The following RAB38 variants were observed in gnomAD, a reference collection of about 807,000 sequenced individuals.
RAB38 encodes the protein ras-related protein Rab-38.
RAB38 carries 15 observed loss-of-function variants against 18.4 expected under a neutral mutation model. The observed-to-expected ratio is 0.82, with a 90% CI of 0.55 to 1.26. RAB38 has a LOEUF of 1.26. Ranked by LOEUF, RAB38 falls within the 50% of genes most tolerant of loss-of-function variation. RAB38 has a pLI of 0.00. For synonymous variants in RAB38, 101 were observed against 104.4 expected (o/e 0.97, Z 0.20); for missense variants, 294 against 267.4 (o/e 1.10, Z -0.69).
At chr11:88,111,508 GGA>G (rs958178750), downstream of RAB38, among the ~76,000 whole-genome samples, 4 of 152,082 alleles carry the variant, frequency 2.6e-5, no homozygotes, top group Admixed American at 2.6e-4. Context: ...CTCCAATTAT[GGA>G]AAACCTGAAG....
chr11:87,833,320 A>G, the RAB38 span, among the ~76,000 whole-genome samples: 1 of 151,998 alleles, frequency 6.6e-6, no homozygotes, highest in African/African-American at 2.4e-5. Flanking sequence ...ATAGAACGGT[A>G]TTTTCTCACT....
chr11:87,832,527 G>A, the RAB38 span, among the ~76,000 whole-genome samples: 1 of 152,086 alleles, frequency 6.6e-6, no homozygotes, highest in Non-Finnish European at 1.5e-5. Context: ...TTGTAGTTGT[G>A]GGACTGAAGC....
chr11:87,904,810 G>T, the RAB38 span, among the ~76,000 whole-genome samples: 5 of 151,644 alleles, frequency 3.3e-5, no homozygotes, highest in African/African-American at 9.7e-5. Context: ...CTGTAGTTTT[G>T]ATAAGGTTGT....
the RAB38 span, among the ~76,000 whole-genome samples, chr11:88,034,420 A>C: frequency 6.6e-6 from 1 of 152,238 alleles, no homozygotes; most frequent in South Asian, 2.1e-4. Context: ...TTTTATAAGA[A>C]ATTGCCTACT....
intron 2 of RAB38, among the ~76,000 whole-genome samples, chr11:88,142,711 A>G (rs1942931275): frequency 6.6e-6 from 1 of 152,248 alleles, no homozygotes; most frequent in African/African-American, 2.4e-5. Flanking sequence ...GTTGGGCAAA[A>G]TGAAATACAG....
At chr11:87,952,340 T>G in the RAB38 span, among the ~76,000 whole-genome samples, 1 of 152,216 alleles carries the variant, frequency 6.6e-6, no homozygotes, top group Non-Finnish European at 1.5e-5. Context: ...TTTTAGGACA[T>G]TCTCTCGAAG....
At chr11:88,024,611 T>A in the RAB38 span, among the ~76,000 whole-genome samples, 1 of 152,170 alleles carries the variant, frequency 6.6e-6, no homozygotes, top group African/African-American at 2.4e-5. Flanking sequence ...CTGTTCATAA[T>A]GGCCAAGATT....
At chr11:88,056,899 C>T in the RAB38 span, among the ~76,000 whole-genome samples, 1 of 152,082 alleles carries the variant, frequency 6.6e-6, no homozygotes, top group Non-Finnish European at 1.5e-5. Context: ...ATAGAAACTA[C>T]CAAATCACCA....
chr11:87,808,644 AAG>A, the RAB38 span, among the ~76,000 whole-genome samples: 1 of 152,044 alleles, frequency 6.6e-6, no homozygotes, highest in African/African-American at 2.4e-5. Context: ...CACGGTGTCT[AAG>A]AGAGTAGATT....
chr11:88,109,970 A>G (rs902220304), downstream of RAB38, among the ~76,000 whole-genome samples: 5 of 152,200 alleles, frequency 3.3e-5, no homozygotes, highest in African/African-American at 1.2e-4. Context: ...TGATTCTTCA[A>G]AGATCTAGAA....
the RAB38 span, among the ~76,000 whole-genome samples, chr11:88,103,425 A>G: frequency 4.6e-5 from 7 of 152,074 alleles, no homozygotes; most frequent in African/African-American, 1.7e-4. Context: ...GATTGGCTTT[A>G]AACCATGCCT....
chr11:88,070,450 G>A, the RAB38 span, among the ~76,000 whole-genome samples: 177 of 152,318 alleles, frequency 1.2e-3, no homozygotes, highest in Non-Finnish European at 2.0e-3. Flanking sequence ...CTTGAAGTCA[G>A]TGAGACCAAG....
chr11:88,102,696 A>G, the RAB38 span, among the ~76,000 whole-genome samples: 1 of 152,080 alleles, frequency 6.6e-6, no homozygotes, highest in Non-Finnish European at 1.5e-5. Flanking sequence ...ATTAAGTAAT[A>G]ATGCTAGGAT....
At chr11:87,902,831 T>C in the RAB38 span, among the ~76,000 whole-genome samples, 6 of 150,470 alleles carry the variant, frequency 4.0e-5, no homozygotes, top group Non-Finnish European at 7.4e-5. Context: ...TATATTTAGA[T>C]AGATTTATAT....
chr11:87,926,615 T>A, the RAB38 span, among the ~76,000 whole-genome samples: 3 of 152,022 alleles, frequency 2.0e-5, no homozygotes, highest in Non-Finnish European at 4.4e-5. Context: ...AGAGTTGCTA[T>A]GTCATTGTAG....
chr11:87,842,068 T>C, the RAB38 span, among the ~76,000 whole-genome samples: 1 of 152,208 alleles, frequency 6.6e-6, no homozygotes, highest in African/African-American at 2.4e-5. Context: ...AATGCAATTA[T>C]CTTTGTATAA....
chr11:88,046,774 C>T, the RAB38 span, among the ~76,000 whole-genome samples: 4 of 152,164 alleles, frequency 2.6e-5, no homozygotes, highest in African/African-American at 9.7e-5. Flanking sequence ...CGTAATAAAA[C>T]CATTACATAA....
the RAB38 span, among the ~76,000 whole-genome samples, chr11:87,905,048 A>T: frequency 1.3e-5 from 2 of 151,678 alleles, no homozygotes; most frequent in Non-Finnish European, 2.9e-5. Context: ...ATCGTTTCAC[A>T]GTTTATTGAG....
chr11:87,897,829 G>C, the RAB38 span, among the ~76,000 whole-genome samples: 7 of 151,630 alleles, frequency 4.6e-5, no homozygotes, highest in East Asian at 1.4e-3. Context: ...CTGAGACAAA[G>C]ACAGGCAAGT....
Sources: gnomAD v4.1 joint callset for allele counts (sites outside exome capture counted in the v4.1 genomes callset) on GRCh38, gnomAD v4.1.1 for gene constraint, MANE v1.5 for transcripts, NCBI Gene and HGNC (gene_info 2026-07-23, HGNC 2026-07-21) for gene names.